Variants in LPP observed in about 807,000 individuals in gnomAD.
LPP encodes LIM domain containing preferred translocation partner in lipoma.
Under a neutral mutation model 60.4 loss-of-function variants are expected in LPP, and 38 were observed. The ratio of observed to expected loss-of-function variants is 0.63; its 90% confidence interval spans 0.49 to 0.83. LPP has a LOEUF of 0.83. Among genes scored for constraint, LPP ranks in the 40% least tolerant of loss-of-function variants. LPP has a pLI of 0.00. For synonymous variants in LPP, 328 were observed against 290.8 expected (o/e 1.13, Z -1.30); for missense variants, 902 against 783.6 (o/e 1.15, Z -1.80).
In LPP at chr3:188,874,439, G is replaced by T; in HGVS notation, c.1799G>T (p.Arg600Leu). 6.2e-7 allele frequency: 1 copy of T among 1,614,122 alleles called. No homozygotes were observed. Among genetic ancestry groups the T allele is most frequent in the Non-Finnish European group, 8.5e-7 (1 of 1,179,982 alleles). Residue 600 changes from arginine to leucine, a missense_variant, in exon 12 of 12, where the codon CGC becomes CTC. Arg to Leu is a moderately radical substitution (Grantham distance 102). Transcript: ENST00000617246. ...HILCKTCNSARIRVLTAKAST... is the reference protein window; with the variant it reads ...HILCKTCNSALIRVLTAKAST... ...CTCTGCAAGACCTGCAACTCTGCCC[G>T]CATCAGGGTGTTGACCGCCAAGGCG...
intron 8 of LPP, chr3:188,759,530 G>C (rs963554456): frequency 6.5e-6 from 1 of 153,622 alleles, no homozygotes; most frequent in Admixed American, 6.4e-5. Flanking sequence ...AAGCACTATG[G>C]CTCAGTAGGA....
chr3:188,289,733 A>G (rs1656955307), intron 2 of LPP, among the ~76,000 whole-genome samples: 1 of 152,192 alleles, frequency 6.6e-6, no homozygotes, highest in Non-Finnish European at 1.5e-5. Flanking sequence ...CTCAGAACTC[A>G]TGCAGAACCT....
At chr3:188,685,789 T>C (rs1227571544) in intron 7 of LPP, among the ~76,000 whole-genome samples, 1 of 152,196 alleles carries the variant, frequency 6.6e-6, no homozygotes. Context: ...TTACCACGAA[T>C]ACTGAGTTGT....
intron 7 of LPP, among the ~76,000 whole-genome samples, chr3:188,627,571 G>C (rs866137974): frequency 6.6e-6 from 1 of 152,080 alleles, no homozygotes; most frequent in Non-Finnish European, 1.5e-5. Flanking sequence ...AATGATAAAG[G>C]GTTCAATTCA....
At chr3:188,714,156 AC>A (rs1381016607) in intron 8 of LPP, among the ~76,000 whole-genome samples, 1 of 152,072 alleles carries the variant, frequency 6.6e-6, no homozygotes, top group Non-Finnish European at 1.5e-5. Context: ...ATTTGGCCTC[AC>A]TCTTCTGATC....
At chr3:188,378,119 G>T (rs541638448) in intron 3 of LPP, among the ~76,000 whole-genome samples, 1 of 152,304 alleles carries the variant, frequency 6.6e-6, no homozygotes, top group South Asian at 2.1e-4. Flanking sequence ...TGCCCCTACT[G>T]GGGGGTGCCT....
intron 8 of LPP, among the ~76,000 whole-genome samples, chr3:188,721,080 A>G (rs182181256): frequency 1.3e-5 from 2 of 152,198 alleles, no homozygotes; most frequent in Admixed American, 1.3e-4. Flanking sequence ...AATTTTTTTT[A>G]CCATATATGT....
intron 1 of LPP, among the ~76,000 whole-genome samples, chr3:188,200,104 A>G (rs1229305756): frequency 6.6e-6 from 1 of 152,178 alleles, no homozygotes; most frequent in Non-Finnish European, 1.5e-5. Context: ...CCAAATAAAT[A>G]AAGAATGAGT....
chr3:188,723,275 T>A (rs1441062252), intron 8 of LPP, among the ~76,000 whole-genome samples: 1 of 152,198 alleles, frequency 6.6e-6, no homozygotes, highest in Non-Finnish European at 1.5e-5. Flanking sequence ...TAGAGTGTTT[T>A]TCAACAGAAT....
At chr3:188,826,554 G>T (rs142034033) in intron 9 of LPP, among the ~76,000 whole-genome samples, 2 of 152,136 alleles carry the variant, frequency 1.3e-5, no homozygotes, top group African/African-American at 4.8e-5. Context: ...TTACCCCATG[G>T]GTTCCTCTAA....
intron 2 of LPP, among the ~76,000 whole-genome samples, chr3:188,304,817 G>C (rs912462595): frequency 2.0e-5 from 3 of 152,076 alleles, no homozygotes; most frequent in African/African-American, 7.2e-5. Context: ...TTTCTCTTAA[G>C]CTTCCTTAAA....
At chr3:188,810,117 G>A (rs924746827) in intron 9 of LPP, among the ~76,000 whole-genome samples, 16 of 152,146 alleles carry the variant, frequency 1.1e-4, no homozygotes, top group African/African-American at 3.4e-4. Flanking sequence ...ATTAAATTCC[G>A]CTTCTATCTG....
At chr3:188,681,636 TA>T in intron 7 of LPP, among the ~76,000 whole-genome samples, 1 of 152,090 alleles carries the variant, frequency 6.6e-6, no homozygotes. Context: ...TGCTCTTAAC[TA>T]ATACTTATGG....
chr3:188,203,422 TATAA>T (rs1180761886), intron 1 of LPP, among the ~76,000 whole-genome samples: 4 of 97,008 alleles, frequency 4.1e-5, no homozygotes, highest in South Asian at 3.0e-4. Flanking sequence ...ATATATATAA[TATAA>T]ATATAAATAT....
At chr3:188,643,616 A>G (rs1850579153) in intron 7 of LPP, among the ~76,000 whole-genome samples, 1 of 152,126 alleles carries the variant, frequency 6.6e-6, no homozygotes, top group Admixed American at 6.5e-5. Context: ...GCAACCCAGG[A>G]GTATAGATGT....
chr3:188,368,665 CAA>C (rs1442457219), intron 3 of LPP, among the ~76,000 whole-genome samples: 98 of 138,270 alleles, frequency 7.1e-4, no homozygotes, highest in African/African-American at 2.4e-3. Flanking sequence ...TGTTATACTA[CAA>C]ACACACACAC....
intron 6 of LPP, among the ~76,000 whole-genome samples, chr3:188,544,490 A>G (rs1412953553): frequency 1.3e-5 from 2 of 151,784 alleles, no homozygotes; most frequent in East Asian, 1.9e-4. Context: ...GCAGCCAAAA[A>G]ACACATGAAA....
At chr3:188,656,441 A>G (rs2149043734) in intron 7 of LPP, among the ~76,000 whole-genome samples, 1 of 152,334 alleles carries the variant, frequency 6.6e-6, no homozygotes, top group African/African-American at 2.4e-5. Context: ...ATCCCAAATC[A>G]AAGAACAGAT....
At chr3:188,227,311 A>G (rs913928190) in intron 2 of LPP, among the ~76,000 whole-genome samples, 5 of 147,192 alleles carry the variant, frequency 3.4e-5, no homozygotes, top group Admixed American at 6.7e-5. Flanking sequence ...AGCATTAGGT[A>G]TATCTCCTAA....
Sources: gnomAD v4.1 joint callset for allele counts (sites outside exome capture counted in the v4.1 genomes callset) on GRCh38, gnomAD v4.1.1 for gene constraint, MANE v1.5 for transcripts, NCBI Gene and HGNC (gene_info 2026-07-23, HGNC 2026-07-21) for gene names.